Variants in LDHB observed in about 807,000 individuals in gnomAD.
The protein encoded by LDHB is L-lactate dehydrogenase B chain.
A neutral mutation model predicts 33.4 loss-of-function variants in LDHB; 18 were observed. That is an observed-to-expected ratio of 0.54 (90% confidence interval 0.37 to 0.80). The LOEUF is 0.80. Among genes scored for constraint, LDHB ranks in the 30% least tolerant of loss-of-function variants. The pLI is 0.00. For synonymous variants in LDHB, 121 were observed against 140.6 expected (o/e 0.86, Z 0.98); for missense variants, 345 against 407.9 (o/e 0.85, Z 1.33).
rs1938189281 is a variant in LDHB at position 21,635,437 on chromosome 12, TGAA to T, written c.*102_*104del. The T allele has an allele frequency of 1.3e-5, 12 of 930,544 alleles. No homozygotes were observed. The highest frequency in any genetic ancestry group is 6.5e-5 in the African/African-American group (4 of 61,562). The allele number at this position is 930,544 out of a possible 1,614,324, so 57.6% of individuals were successfully genotyped here. A position where few individuals can be genotyped will look rare whatever the true frequency, so the allele number is the denominator to read the frequency against. On this transcript the variant is annotated 3_prime_UTR_variant, in exon 8 of 8. Coordinates refer to ENST00000350669, the MANE Select transcript of LDHB (RefSeq NM_002300.8). Reference sequence around the variant, plus strand: ...ATTCTGTGAGCCCAAATTCACATATTGAAGAAGATCAAAGCAAACTGTGATCCA... The same window carrying T: ...ATTCTGTGAGCCCAAATTCACATATTGAAGATCAAAGCAAACTGTGATCCA...
chr12:21,648,402 T>A (rs547934980), intron 2 of LDHB, among the ~76,000 whole-genome samples: 7 of 152,096 alleles, frequency 4.6e-5, no homozygotes, highest in African/African-American at 9.7e-5. Flanking sequence ...TCGCATCCCC[T>A]GAATACTGTA....
chr12:21,637,303 T>G, intron 6 of LDHB, 109 bp from the exon 7 acceptor site: 3 of 805,164 alleles, frequency 3.7e-6, no homozygotes, highest in Non-Finnish European at 6.4e-6. Flanking sequence ...GGCAAATTAT[T>G]TACCCTTTAT....
chr12:21,638,088 T>C (rs368008799), intron 6 of LDHB, among the ~76,000 whole-genome samples: 10 of 152,138 alleles, frequency 6.6e-5, no homozygotes, highest in African/African-American at 2.4e-4. Context: ...AGGTGGCAAT[T>C]TGAAGACTCT....
chr12:21,637,892 C>T (rs537352071), intron 6 of LDHB, among the ~76,000 whole-genome samples: 4 of 39,564 alleles, frequency 1.0e-4, no homozygotes, highest in African/African-American at 2.2e-4. Context: ...ACATATAGTT[C>T]AAATTCCTGA....
Position 21,638,421 on chromosome 12 carries a change from C to A in LDHB, c.645G>T (p.Leu215Phe). ...CATTGTCAGTTCCCATTTCTGGATT[C>A]AATTCCTGGAGAGAAACACCTGCCA... ...VNVAGVSLQELNPEMGTDNDS... is the reference protein window; with the variant it reads ...VNVAGVSLQEFNPEMGTDNDS... Residue 215 changes from leucine (L) to phenylalanine (F), a missense_variant, in exon 6 of 8, where the codon TTG becomes TTT. Transcript: ENST00000350669. 2 of 1,610,470 alleles carry A rather than the reference C, an allele frequency of 1.2e-6. No individual in the cohort carries two copies. The highest frequency in any genetic ancestry group is 2.7e-5 in the African/African-American group (2 of 74,476).
chr12:21,655,730 T>TAA (rs201260768), intron 1 of LDHB, among the ~76,000 whole-genome samples: 2 of 151,784 alleles, frequency 1.3e-5, no homozygotes, highest in African/African-American at 2.4e-5. Context: ...CCCTAAAATG[T>TAA]AAAAAAAAAA....
intron 2 of LDHB, 95 bp from the exon 3 acceptor site, chr12:21,647,111 C>A: frequency 1.4e-6 from 1 of 736,614 alleles, no homozygotes. Context: ...CATGGCTAAG[C>A]ACCAAAGATC....
chr12:21,645,684 G>A (rs184707309), intron 3 of LDHB, among the ~76,000 whole-genome samples: 2 of 152,090 alleles, frequency 1.3e-5, no homozygotes, highest in Non-Finnish European at 2.9e-5. Flanking sequence ...TTTTCCTGCT[G>A]ACCTTCTCTC....
intron 3 of LDHB, 75 bp downstream of exon 3, chr12:21,646,824 T>C: frequency 1.2e-6 from 1 of 839,456 alleles, no homozygotes; most frequent in Non-Finnish European, 2.1e-6. Flanking sequence ...TCTATTATGC[T>C]GTAAGATGCA....
chr12:21,644,424 C>CAAAAAAAAAAAAAAAAAAA (rs72491634), intron 3 of LDHB, among the ~76,000 whole-genome samples: 5 of 15,214 alleles, frequency 3.3e-4, no homozygotes, highest in Admixed American at 1.1e-3. Context: ...AGGTAGACAT[C>CAAAAAAAAAAAAAAAAAAA]AAAAAAAAAA....
chr12:21,640,475 A>C (rs990105361), intron 5 of LDHB, among the ~76,000 whole-genome samples: 66 of 152,174 alleles, frequency 4.3e-4, no homozygotes, highest in African/African-American at 1.4e-3. Context: ...TACTACTTAA[A>C]TAATTGATAG....
At chr12:21,654,243 C>T (rs1210093440) in intron 2 of LDHB, 8 of 368,986 alleles carry the variant, frequency 2.2e-5, no homozygotes, top group African/African-American at 8.3e-5. Context: ...TAGCTATAAA[C>T]GGCATGATTT....
intron 5 of LDHB, among the ~76,000 whole-genome samples, chr12:21,641,227 C>T (rs1565626166): frequency 1.3e-5 from 2 of 152,086 alleles, no homozygotes; most frequent in African/African-American, 4.8e-5. Context: ...AAAATACAAC[C>T]TTAACTGAGT....
intron 7 of LDHB, among the ~76,000 whole-genome samples, chr12:21,636,580 C>A (rs182002538): frequency 5.8e-4 from 88 of 152,184 alleles, no homozygotes; most frequent in Non-Finnish European, 5.4e-4. Flanking sequence ...TTGATTTACA[C>A]TGACTTGTGG....
intron 2 of LDHB, among the ~76,000 whole-genome samples, chr12:21,648,001 T>A (rs1022383066): frequency 1.2e-4 from 18 of 149,354 alleles, no homozygotes; most frequent in African/African-American, 4.2e-4. Flanking sequence ...CATAATTTTT[T>A]AAATTTTCTC....
chr12:21,655,730 T>TA (rs201260768), intron 1 of LDHB, among the ~76,000 whole-genome samples: 2,713 of 151,868 alleles, frequency 0.018, 76 homozygotes, highest in African/African-American at 0.062. Context: ...CCCTAAAATG[T>TA]AAAAAAAAAA....
intron 2 of LDHB, among the ~76,000 whole-genome samples, chr12:21,648,881 G>A (rs995287320): frequency 2.0e-5 from 3 of 152,218 alleles, no homozygotes; most frequent in Admixed American, 1.3e-4. Flanking sequence ...ATTACTTGCA[G>A]ATTTTTGAAA....
chr12:21,638,232 T>C, intron 6 of LDHB, 121 bp downstream of exon 6: 2 of 696,078 alleles, frequency 2.9e-6, no homozygotes, highest in South Asian at 1.6e-5. Flanking sequence ...TTTCAAAAGA[T>C]AACAGCTGCA....
intron 5 of LDHB, 80 bp from the exon 6 acceptor site, chr12:21,638,550 T>TGCATCATAGGTGAAATTG: frequency 3.1e-6 from 3 of 964,790 alleles, no homozygotes; most frequent in Non-Finnish European, 4.9e-6. Context: ...TAGTGCAATT[T>TGCATCATAGGTGAAATTG]CACCTATGAT....
Sources: gnomAD v4.1 joint callset for allele counts (sites outside exome capture counted in the v4.1 genomes callset) on GRCh38, gnomAD v4.1.1 for gene constraint, MANE v1.5 for transcripts, NCBI Gene and HGNC (gene_info 2026-07-23, HGNC 2026-07-21) for gene names.